NHSL1: variants seen among roughly 807,000 people sequenced by gnomAD.
NHSL1 encodes the protein NHS like 1, also known as NHS-like protein 1.
A neutral mutation model predicts 95.0 loss-of-function variants in NHSL1; 48 were observed. The observed-to-expected ratio is 0.51, with a 90% CI of 0.40 to 0.64. NHSL1 has a LOEUF of 0.64. NHSL1 is among the 30% of genes least tolerant of loss of function. The pLI is 0.00. For missense variants in NHSL1, 1,971 were observed against 2,077.7 expected (o/e 0.95, Z 1.00); for synonymous variants, 783 against 833.9 (o/e 0.94, Z 1.05).
At chr6:138,464,848 G>T (rs1239021214) in intron 3 of NHSL1, among the ~76,000 whole-genome samples, 2 of 150,932 alleles carry the variant, frequency 1.3e-5, no homozygotes, top group Non-Finnish European at 2.9e-5. Context: ...TAGTAGCTGA[G>T]ATTACAGGTG....
chr6:138,481,433 A>C (rs1437107152), intron 2 of NHSL1, among the ~76,000 whole-genome samples: 1 of 152,204 alleles, frequency 6.6e-6, no homozygotes, highest in Admixed American at 6.5e-5. Flanking sequence ...GATTTTCCAT[A>C]AATTCTTCAA....
At position 138,430,191 on chromosome 6, in the gene NHSL1, G is replaced by A. The variant is rs1056048266; in HGVS notation, c.3952+202C>T. Among the ~76,000 whole-genome samples, 1 of 152,076 alleles carries A rather than the reference G, an allele frequency of 6.6e-6. No individual in the cohort carries two copies. The highest frequency in any genetic ancestry group is 1.5e-5 in the Non-Finnish European group (1 of 68,022). On this transcript the variant is annotated intron_variant, in intron 6 of 7. Coordinates refer to ENST00000343505, the MANE Select transcript of NHSL1 (RefSeq NM_001144060.2). This position sits in a 1 kb window ranked among gnomAD's most constrained non-coding sequence, Gnocchi z 4.7. The stretch of plus-strand genomic sequence containing the variant: ...CCCCTATTTTCTGCCATGCCTTTAG[G>A]TCTAGATTTTAAAAATAATAACAAA...
intron 5 of NHSL1, among the ~76,000 whole-genome samples, chr6:138,437,070 G>A (rs1207941390): frequency 6.6e-6 from 1 of 151,818 alleles, no homozygotes; most frequent in East Asian, 1.9e-4. Context: ...TCAGGAGTTC[G>A]AGACCAGCCT....
intron 1 of NHSL1, among the ~76,000 whole-genome samples, chr6:138,524,253 T>C (rs536188211): frequency 1.9e-4 from 29 of 152,300 alleles, no homozygotes; most frequent in African/African-American, 5.3e-4. Context: ...AGACTTTTCA[T>C]TGGGTACAGA....
chr6:138,619,264 G>A (rs1041432550), intron 1 of NHSL1, among the ~76,000 whole-genome samples: 2 of 152,128 alleles, frequency 1.3e-5, no homozygotes, highest in Admixed American at 6.5e-5. Context: ...CTTGAACCCA[G>A]GAGGCAGATG....
chr6:138,622,441 G>A (rs914595656), intron 1 of NHSL1, among the ~76,000 whole-genome samples: 4 of 152,004 alleles, frequency 2.6e-5, no homozygotes, highest in East Asian at 1.9e-4. Context: ...AGCCAAGATC[G>A]TACCACTGCA....
upstream of NHSL1, among the ~76,000 whole-genome samples, chr6:138,550,562 T>C (rs1262914144): frequency 6.6e-6 from 1 of 152,224 alleles, no homozygotes; most frequent in Non-Finnish European, 1.5e-5. Context: ...ACATCCAGCA[T>C]CATGTTAAAG....
intron 1 of NHSL1, among the ~76,000 whole-genome samples, chr6:138,558,869 C>G (rs1783303235): frequency 6.6e-6 from 1 of 152,072 alleles, no homozygotes; most frequent in Admixed American, 6.5e-5. Flanking sequence ...TAGCAAGACC[C>G]CTTCTCTACA....
At chr6:138,581,435 T>C (rs1453084813) in intron 1 of NHSL1, among the ~76,000 whole-genome samples, 1 of 152,052 alleles carries the variant, frequency 6.6e-6, no homozygotes, top group Non-Finnish European at 1.5e-5. Flanking sequence ...CTCACACCTG[T>C]AATCCCAGCA....
At chr6:138,587,152 T>C (rs988569246) in intron 1 of NHSL1, among the ~76,000 whole-genome samples, 1 of 151,944 alleles carries the variant, frequency 6.6e-6, no homozygotes, top group African/African-American at 2.4e-5. Context: ...TTTGTATTTT[T>C]AGTAGAGGTG....
chr6:138,515,644 T>C (rs558138760), intron 1 of NHSL1, among the ~76,000 whole-genome samples: 3 of 152,354 alleles, frequency 2.0e-5, no homozygotes, highest in South Asian at 4.1e-4. Flanking sequence ...AAACTATCTA[T>C]TTCTTGTCCA....
intron 1 of NHSL1, among the ~76,000 whole-genome samples, chr6:138,518,435 A>T (rs1028347880): frequency 1.3e-5 from 2 of 151,278 alleles, no homozygotes; most frequent in Non-Finnish European, 2.9e-5. Context: ...ACATTATATA[A>T]GAAAAATAAT....
At chr6:138,481,229 G>A (rs1338248648) in intron 2 of NHSL1, among the ~76,000 whole-genome samples, 4 of 152,108 alleles carry the variant, frequency 2.6e-5, no homozygotes, top group Admixed American at 6.5e-5. Flanking sequence ...ATCATGTATT[G>A]TGAATATTAG....
intron 1 of NHSL1, among the ~76,000 whole-genome samples, chr6:138,522,584 T>G (rs1444998069): frequency 1.3e-5 from 2 of 152,146 alleles, no homozygotes; most frequent in African/African-American, 4.8e-5. Context: ...GAGGTTGCAG[T>G]GAGCCGAGAT....
upstream of NHSL1, among the ~76,000 whole-genome samples, chr6:138,546,427 C>CAAAAAAAAAAAAAAAAAAAAAA (rs1177720465): frequency 2.0e-5 from 1 of 50,918 alleles, no homozygotes; most frequent in African/African-American, 6.3e-5. Flanking sequence ...CCCATCTCTA[C>CAAAAAAAAAAAAAAAAAAAAAA]AAAAAAAAAA....
intron 1 of NHSL1, among the ~76,000 whole-genome samples, chr6:138,496,688 C>T (rs1459428562): frequency 6.6e-6 from 1 of 152,150 alleles, no homozygotes; most frequent in Non-Finnish European, 1.5e-5. Flanking sequence ...TTGATAGAGA[C>T]CTCCAATTCC....
rs914879500 is a variant in NHSL1 at position 138,653,446 on chromosome 6, C to G, written c.96+39030G>C. Reference sequence around the variant, plus strand: ...GCATGTGCCTGTAATCCCAGATATGCGGGAGGCTGAGGCAGGAGAATCACT... The same window carrying G: ...GCATGTGCCTGTAATCCCAGATATGGGGGAGGCTGAGGCAGGAGAATCACT... On this transcript the variant is annotated intron_variant, in intron 1 of 3. Coordinates refer to the NHSL1 transcript ENST00000491526. Among the ~76,000 whole-genome samples the G allele has an allele frequency of 2.0e-5, 3 of 151,960 alleles. No individual in the cohort carries two copies. In the South Asian group the frequency reaches 6.2e-4, roughly 32 times the overall value.
intron 1 of NHSL1, among the ~76,000 whole-genome samples, chr6:138,561,723 A>G (rs1176494979): frequency 1.9e-4 from 29 of 152,204 alleles, no homozygotes; most frequent in Non-Finnish European, 8.8e-5. Flanking sequence ...CTCAAACACT[A>G]GAAATTAGCC....
At chr6:138,662,235 T>C (rs1320271958) in intron 1 of NHSL1, among the ~76,000 whole-genome samples, 1 of 152,048 alleles carries the variant, frequency 6.6e-6, no homozygotes, top group Non-Finnish European at 1.5e-5. Context: ...ATAAGCACCA[T>C]AGCTTTCACA....
Sources: allele counts gnomAD v4.1 joint callset (sites outside exome capture counted in the v4.1 genomes callset), GRCh38; gene constraint gnomAD v4.1.1; non-coding constraint Gnocchi (gnomAD v3.1); transcripts MANE v1.5; gene names NCBI Gene and HGNC (gene_info 2026-07-23, HGNC 2026-07-21).